PGPEP1: variants seen among roughly 807,000 people sequenced by gnomAD.
PGPEP1 encodes pyroglutamyl-peptidase I.
In PGPEP1, 15 loss-of-function variants were observed where a neutral mutation model predicts 24.1. That is an observed-to-expected ratio of 0.62 (90% confidence interval 0.42 to 0.96). PGPEP1 has a LOEUF of 0.96. Among genes scored for constraint, PGPEP1 ranks in the 40% least tolerant of loss-of-function variants. The probability of loss-of-function intolerance (pLI) is 0.00; values close to 1 mark genes in which losing one functional copy is unlikely to be tolerated. For missense variants in PGPEP1, 242 were observed against 273.4 expected (o/e 0.89, Z 0.81); for synonymous variants, 122 against 116.4 (o/e 1.05, Z -0.31).
rs759246177 is a variant in PGPEP1, at chr19:18,357,588, C to T, written c.410C>T (p.Ser137Leu). The part of the protein sequence containing the change: ...KRVTTLGLDV[S>L]VTISQDAGRY... ...GTCACCACGTTGGGCCTGGATGTGT[C>T]GGTGACCATCTCGCAGGATGCCGGC... Residue 137 changes from serine to leucine, a missense_variant, in exon 4 of 5, where the codon TCG (serine) becomes TTG (leucine). Ser to Leu is a moderately radical substitution (Grantham distance 145). Transcript: ENST00000269919. 4.3e-6 allele frequency: 7 copies of T among 1,610,262 alleles called. No homozygotes were observed. Among genetic ancestry groups the T allele is most frequent in the Admixed American group, 1.7e-5 (1 of 59,496 alleles).
Position 18,367,972 on chromosome 19 carries a change from T to TA in PGPEP1, c.*4400dup, listed in dbSNP as rs967072279. ...GGCGAGACCCCATCTCTACAGAAAT[T>TA]AAAAAAAAAAATTAGCCAGTTGTGG... On this transcript the variant is annotated 3_prime_UTR_variant, in exon 5 of 5. Transcript: ENST00000269919. 2.7e-4 allele frequency: 39 copies of TA among 145,030 alleles called. No homozygotes were observed. Among genetic ancestry groups the TA allele is most frequent in the South Asian group, 1.1e-3 (5 of 4,556 alleles). 9.0% of individuals were successfully genotyped at this position (145,030 alleles called of 1,614,324 possible).
In PGPEP1 at chr19:18,355,924, C is replaced by T. The variant is rs746957096; in HGVS notation, c.117C>T (p.Ser39=). The part of the protein sequence containing the change: ...QELEKLGLGD[S]VDLHVYEIPV... ...TAGAAAAGCTAGGCCTTGGCGACAG[C>T]GTGGACCTGCATGTGTACGAGATTC... The change falls in exon 3 of 5, where the codon AGC becomes AGT. Residue 39 remains serine, a synonymous_variant. Transcript: ENST00000269919. The T allele has an allele frequency of 4.3e-5, 69 of 1,612,820 alleles. No homozygotes were observed. Among genetic ancestry groups the T allele is most frequent in the Non-Finnish European group, 5.9e-5 (69 of 1,179,108 alleles).
At chr19:18,351,431 C>A (rs1971019260) in intron 2 of PGPEP1, among the ~76,000 whole-genome samples, 1 of 151,472 alleles carries the variant, frequency 6.6e-6, no homozygotes, top group Non-Finnish European at 1.5e-5. Flanking sequence ...TGGAGACCAG[C>A]CTGACCAACA....
chr19:18,354,038 C>A (rs1971111897), intron 2 of PGPEP1, among the ~76,000 whole-genome samples: 1 of 152,132 alleles, frequency 6.6e-6, no homozygotes, highest in African/African-American at 2.4e-5. Context: ...AGTTTGAGAC[C>A]AGCCTGGCCA....
chr19:18,363,018 T>A (rs1020533223), intron 4 of PGPEP1, among the ~76,000 whole-genome samples: 2 of 149,840 alleles, frequency 1.3e-5, no homozygotes, highest in African/African-American at 4.9e-5. Flanking sequence ...CTGGGAGTTA[T>A]CAAGTTTTTT....
chr19:18,361,810 T>TAACCTA, intron 4 of PGPEP1: 1 of 985,358 alleles, frequency 1.0e-6, no homozygotes, highest in Non-Finnish European at 1.2e-6. Context: ...GCTTTGCTTT[T>TAACCTA]ACGTGGATGG....
Position 18,345,761 on chromosome 19 carries a change from C to T in PGPEP1, c.87+2850C>T, listed in dbSNP as rs141314184. ...AAAAAAAAAAGAAAAGAAATTTGGCCAGGCACAGCGGCTCACGCCTGTAAT... is the reference window on the plus strand; with the variant it reads ...AAAAAAAAAAGAAAAGAAATTTGGCTAGGCACAGCGGCTCACGCCTGTAAT... On this transcript the variant is annotated intron_variant, in intron 2 of 4. Transcript: ENST00000269919. Among the ~76,000 whole-genome samples, 370 of 150,948 alleles carry T rather than the reference C, an allele frequency of 2.5e-3. 1 individual carries two copies. The highest frequency in any genetic ancestry group is 8.8e-3 in the African/African-American group (361 of 41,092).
chr19:18,344,312 A>T (rs1414835576), intron 2 of PGPEP1, among the ~76,000 whole-genome samples: 1 of 151,978 alleles, frequency 6.6e-6, no homozygotes, highest in Non-Finnish European at 1.5e-5. Context: ...TTCCAGATGG[A>T]GTATTTTGTA....
intron 1 of PGPEP1, among the ~76,000 whole-genome samples, chr19:18,340,942 G>A (rs1056551995): frequency 7.6e-4 from 115 of 152,204 alleles, no homozygotes; most frequent in African/African-American, 2.5e-3. Context: ...GGGCTTGGGG[G>A]GCCGGGCAAA....
intron 2 of PGPEP1, among the ~76,000 whole-genome samples, chr19:18,347,503 C>T (rs773130831): frequency 1.3e-5 from 2 of 151,234 alleles, no homozygotes; most frequent in Admixed American, 6.6e-5. Flanking sequence ...TGTTAATCTC[C>T]GTGTGTCTCA....
chr19:18,349,461 C>A (rs769523087), intron 2 of PGPEP1, among the ~76,000 whole-genome samples: 4 of 152,078 alleles, frequency 2.6e-5, no homozygotes, highest in Non-Finnish European at 5.9e-5. Flanking sequence ...CACCCCTGAC[C>A]CTATTTTTCT....
At chr19:18,361,694 C>T in intron 4 of PGPEP1, 1 of 981,850 alleles carries the variant, frequency 1.0e-6, no homozygotes, top group Non-Finnish European at 1.2e-6. Context: ...CCATAGCGGT[C>T]CCTCTGATAA....
At chr19:18,355,867 A>G (rs1312779516) in intron 2 of PGPEP1, 28 bp from the exon 3 acceptor site, 13 of 1,435,648 alleles carry the variant, frequency 9.1e-6, no homozygotes, top group Non-Finnish European at 1.3e-5. Context: ...ATCTGGGGCC[A>G]TGACACTCCC....
rs557329900 is a variant in PGPEP1, at chr19:18,351,040, A to G, written c.88-4855A>G. Reference sequence around the variant, plus strand: ...TGTAATCCCAGCATTTTGGGAGGCCAAGGTGGGCGGATCATGAGGTCAGGA... The same window carrying G: ...TGTAATCCCAGCATTTTGGGAGGCCGAGGTGGGCGGATCATGAGGTCAGGA... On this transcript the variant is annotated intron_variant, in intron 2 of 4. Coordinates refer to ENST00000269919, the MANE Select transcript of PGPEP1 (RefSeq NM_017712.4). Among the ~76,000 whole-genome samples, 4 of 152,168 alleles carry G rather than the reference A, an allele frequency of 2.6e-5. No homozygotes were observed. The South Asian group carries it at 8.3e-4, about 32-fold the overall frequency.
intron 2 of PGPEP1, among the ~76,000 whole-genome samples, chr19:18,346,623 CTGTT>C (rs1449964344): frequency 2.2e-5 from 3 of 139,530 alleles, no homozygotes; most frequent in Middle Eastern, 3.9e-3. Context: ...CTGTGTGTGT[CTGTT>C]TCTCTCTTTT....
rs143109789 is a variant in PGPEP1, at chr19:18,346,054, T to C, written c.87+3143T>C. The stretch of plus-strand genomic sequence containing the variant: ...CCAGGTCAAGATCTCGAACATTCTC[T>C]GGTTCTTCCTCGCATTCTTCACAGA... On this transcript the variant is annotated intron_variant, in intron 2 of 4. Coordinates refer to ENST00000269919, the MANE Select transcript of PGPEP1 (RefSeq NM_017712.4). 1.8e-3 allele frequency among the ~76,000 whole-genome samples: 266 copies of C among 151,700 alleles called. 1 individual carries two copies. The highest frequency in any genetic ancestry group is 5.7e-3 in the African/African-American group (235 of 41,356).
intron 2 of PGPEP1, among the ~76,000 whole-genome samples, chr19:18,343,651 A>G (rs1371464580): frequency 1.4e-5 from 2 of 144,926 alleles, no homozygotes; most frequent in African/African-American, 5.1e-5. Context: ...TACTTTACCT[A>G]GGAATTATCC....
At chr19:18,353,582 AT>A (rs1337787229) in intron 2 of PGPEP1, among the ~76,000 whole-genome samples, 3 of 151,982 alleles carry the variant, frequency 2.0e-5, no homozygotes, top group African/African-American at 7.3e-5. Flanking sequence ...CATCATCTCT[AT>A]CTAGTTCCAG....
In PGPEP1 at chr19:18,364,119, T is replaced by TCTTTCTTTCTTTCTTCCTTTCTTC. The variant is rs1568321173; in HGVS notation, c.*547_*548insTCTTCCTTTCTTCCTTTCTTTCTT. The TCTTTCTTTCTTTCTTCCTTTCTTC allele has an allele frequency of 7.2e-6, 1 of 138,548 alleles. No homozygotes were observed. The highest frequency in any genetic ancestry group is 3.0e-5 in the African/African-American group (1 of 33,558). The allele number at this position is 138,548 out of a possible 1,614,324, so 8.6% of individuals were successfully genotyped here. A position where few individuals can be genotyped will look rare whatever the true frequency, so the allele number is the denominator to read the frequency against. On this transcript the variant is annotated 3_prime_UTR_variant, in exon 5 of 5. Coordinates refer to ENST00000269919, the MANE Select transcript of PGPEP1 (RefSeq NM_017712.4). Reference sequence around the variant, plus strand: ...TTCTTTCTTTCTTTCTTTCTTGCTTTCTTTCTTTCTTGCTTTCTTTCTTCT... The same window carrying TCTTTCTTTCTTTCTTCCTTTCTTC: ...TTCTTTCTTTCTTTCTTTCTTGCTTTCTTTCTTTCTTTCTTCCTTTCTTCCTTTCTTTCTTGCTTTCTTTCTTCT...
Sources: gnomAD v4.1 joint callset for allele counts (sites outside exome capture counted in the v4.1 genomes callset) on GRCh38, gnomAD v4.1.1 for gene constraint, MANE v1.5 for transcripts, NCBI Gene and HGNC (gene_info 2026-07-23, HGNC 2026-07-21) for gene names.